Variants in ABCA1 observed in about 807,000 individuals in gnomAD.
The protein encoded by ABCA1 is phospholipid-transporting ATPase ABCA1.
In ABCA1, 133 loss-of-function variants were observed where a neutral mutation model predicts 262.5. The ratio of observed to expected loss-of-function variants is 0.51; its 90% CI spans 0.44 to 0.59. The LOEUF (loss-of-function observed/expected upper bound fraction) is 0.59. ABCA1 is among the 20% of genes least tolerant of loss of function. The pLI, the probability that ABCA1 is intolerant of heterozygous loss-of-function variation, is 0.00. For synonymous variants in ABCA1, 1,022 were observed against 1,043.5 expected (o/e 0.98, Z 0.40); for missense variants, 2,452 against 2,777.5 (o/e 0.88, Z 2.63).
At chr9:104,800,044 C>A (rs1196704946) in intron 35 of ABCA1, 56 bp from the exon 36 acceptor site, 3 of 1,598,272 alleles carry the variant, frequency 1.9e-6, no homozygotes, top group Non-Finnish European at 1.7e-6. Flanking sequence ...CTCCTGCAGG[C>A]AGGTGCATAC....
chr9:104,802,920 G>C (rs756449960), intron 33 of ABCA1, among the ~76,000 whole-genome samples: 3 of 152,132 alleles, frequency 2.0e-5, no homozygotes, highest in Non-Finnish European at 4.4e-5. Context: ...AATCTGGTTT[G>C]GGGGGAAAGT....
At position 104,818,948 on chromosome 9, in the gene ABCA1, A is replaced by G. The variant is rs558321805; in HGVS notation, c.3242-65T>C. 11 of 1,435,948 alleles carry G rather than the reference A, an allele frequency of 7.7e-6. No individual in the cohort carries two copies. In the Admixed American group the frequency reaches 9.6e-5, roughly 13 times the overall value. 89.0% of individuals were successfully genotyped at this position (1,435,948 alleles called of 1,614,324 possible). On this transcript the variant is annotated intron_variant, in intron 22 of 49. Transcript: ENST00000374736. Reference sequence around the variant, plus strand: ...CTCTCAGTTCTGATTTGTCACAGTGACAGGGACTAGAGAGATATTAGCAGG... The same window carrying G: ...CTCTCAGTTCTGATTTGTCACAGTGGCAGGGACTAGAGAGATATTAGCAGG...
intron 2 of ABCA1, among the ~76,000 whole-genome samples, chr9:104,900,624 A>G (rs540905380): frequency 2.2e-4 from 33 of 152,314 alleles, no homozygotes; most frequent in Non-Finnish European, 3.2e-4. Flanking sequence ...GAGACATAGA[A>G]GCTTTAGTAT....
At chr9:104,818,510 G>A (rs971943705) in intron 23 of ABCA1, among the ~76,000 whole-genome samples, 153 bp downstream of exon 23, 4 of 152,180 alleles carry the variant, frequency 2.6e-5, no homozygotes, top group Non-Finnish European at 4.4e-5. Context: ...AGCTTTCCAT[G>A]CCTTAAGTAT....
chr9:104,904,913 C>T (rs909969464), intron 1 of ABCA1, among the ~76,000 whole-genome samples: 5 of 152,098 alleles, frequency 3.3e-5, no homozygotes, highest in Admixed American at 3.3e-4. Context: ...CATGCTAGGG[C>T]AAGAAGGTCT....
At chr9:104,831,152 A>AT in intron 13 of ABCA1, 51 bp from the exon 14 acceptor site, 4 of 937,450 alleles carry the variant, frequency 4.3e-6, no homozygotes, top group Admixed American at 3.6e-5. Context: ...CATACAATAA[A>AT]AAAAAAAAAA....
rs1837224894 is a variant in ABCA1, at chr9:104,867,764, G to A, written c.422-5964C>T. Among the ~76,000 whole-genome samples, 4 of 152,134 alleles carry A rather than the reference G, an allele frequency of 2.6e-5. 1 individual carries two copies. Among genetic ancestry groups the A allele is most frequent in the Admixed American group, 2.6e-4 (4 of 15,286 alleles). Reference sequence around the variant, plus strand: ...AGTCACTGCAAGGATGGATATAGGTGGAAGATGACCTGGACGAAAGACCAA... The same window carrying A: ...AGTCACTGCAAGGATGGATATAGGTAGAAGATGACCTGGACGAAAGACCAA... On this transcript the variant is annotated intron_variant, in intron 5 of 49. Coordinates refer to ENST00000374736, the MANE Select transcript of ABCA1 (RefSeq NM_005502.4).
intron 3 of ABCA1, among the ~76,000 whole-genome samples, chr9:104,886,520 C>A (rs908820825): frequency 2.6e-5 from 4 of 152,200 alleles, no homozygotes; most frequent in African/African-American, 9.7e-5. Flanking sequence ...GTCAGCTGCT[C>A]TTCATTCAGG....
chr9:104,924,012 A>G (rs1017434760), intron 1 of ABCA1, among the ~76,000 whole-genome samples: 1 of 152,198 alleles, frequency 6.6e-6, no homozygotes, highest in Admixed American at 6.5e-5. Flanking sequence ...GCTGCACTCC[A>G]CCCTGTGCAA....
rs1429190496 is a variant in ABCA1, at chr9:104,824,513, T to C, written c.2608A>G (p.Ser870Gly). ...GAACCAGGGTGGCTCTTCTCATCAC[T>C]TTCCTCGCCAAACCAGTAGGACTTG... The part of the protein sequence containing the change: ...CTKSYWFGEE[S>G]DEKSHPGSNQ... The change falls in exon 18 of 50, where the codon AGT (serine) becomes GGT (glycine). Residue 870 changes from serine (S) to glycine (G), a missense_variant. Ser to Gly is a moderately conservative substitution (Grantham distance 56). Coordinates refer to ENST00000374736, the MANE Select transcript of ABCA1 (RefSeq NM_005502.4). 4 of 1,614,046 alleles carry C rather than the reference T, an allele frequency of 2.5e-6. No individual in the cohort carries two copies. Among genetic ancestry groups the C allele is most frequent in the East Asian group, 2.2e-5 (1 of 44,890 alleles).
Position 104,814,331 on chromosome 9 carries a change from T to C in ABCA1, c.3787+96A>G, listed in dbSNP as rs1267438263. 9.0e-6 allele frequency: 14 copies of C among 1,560,436 alleles called. No homozygotes were observed. The African/African-American group carries it at 1.1e-4, about 12-fold the overall frequency. On this transcript the variant is annotated intron_variant, in intron 26 of 49. Coordinates refer to ENST00000374736, the MANE Select transcript of ABCA1 (RefSeq NM_005502.4). The stretch of plus-strand genomic sequence containing the variant: ...CTACACTCTACAAATGAGAATGCAA[T>C]AGAACAATTCAAAGGGAAAGGAACA...
chr9:104,833,265 T>C (rs1347010395), intron 11 of ABCA1, among the ~76,000 whole-genome samples: 2 of 152,188 alleles, frequency 1.3e-5, no homozygotes, highest in East Asian at 3.9e-4. Context: ...CACCGCAGCC[T>C]TGACCTCCCA....
chr9:104,816,809 G>T (rs980286532), intron 24 of ABCA1, among the ~76,000 whole-genome samples: 10 of 152,094 alleles, frequency 6.6e-5, no homozygotes, highest in Non-Finnish European at 1.5e-4. Context: ...CCTAAATAAA[G>T]GGTTAATCTA....
At chr9:104,863,735 A>G (rs1836831332) in intron 5 of ABCA1, among the ~76,000 whole-genome samples, 1 of 152,216 alleles carries the variant, frequency 6.6e-6, no homozygotes, top group Admixed American at 6.5e-5. Context: ...GTTATTCCTC[A>G]TGACAGCCAG....
intron 6 of ABCA1, among the ~76,000 whole-genome samples, chr9:104,861,123 T>A (rs1836346540): frequency 6.6e-6 from 1 of 152,156 alleles, no homozygotes; most frequent in Non-Finnish European, 1.5e-5. Context: ...CCCAGTGCCA[T>A]CTCACAGAGC....
At chr9:104,887,510 C>T (rs1033830027) in intron 3 of ABCA1, among the ~76,000 whole-genome samples, 12 of 152,070 alleles carry the variant, frequency 7.9e-5, no homozygotes, top group Non-Finnish European at 1.6e-4. Flanking sequence ...CACCATCTTG[C>T]CTGCTTGTAA....
chr9:104,821,641 AC>A, intron 19 of ABCA1, 135 bp from the exon 20 acceptor site: 1 of 1,032,708 alleles, frequency 9.7e-7, no homozygotes, highest in Non-Finnish European at 1.4e-6. Flanking sequence ...ACCCTACCAG[AC>A]CCACACAAAG....
intron 15 of ABCA1, among the ~76,000 whole-genome samples, chr9:104,827,779 C>G (rs575031209): frequency 1.3e-5 from 2 of 152,196 alleles, no homozygotes; most frequent in Non-Finnish European, 2.9e-5. Flanking sequence ...GATAACAGAG[C>G]ATGAGGGAGG....
intron 32 of ABCA1, among the ~76,000 whole-genome samples, chr9:104,804,126 T>C (rs907636526): frequency 6.6e-6 from 1 of 152,148 alleles, no homozygotes; most frequent in Non-Finnish European, 1.5e-5. Flanking sequence ...TAGGCTGCCA[T>C]GTCCTGGGAA....
Sources: allele counts gnomAD v4.1 joint callset (sites outside exome capture counted in the v4.1 genomes callset), GRCh38; gene constraint gnomAD v4.1.1; transcripts MANE v1.5; gene names NCBI Gene and HGNC (gene_info 2026-07-23, HGNC 2026-07-21).